Variants in SLIT2 observed in about 807,000 individuals in gnomAD.
SLIT2 encodes the protein slit homolog 2 protein.
SLIT2 carries 41 observed loss-of-function variants against 185.7 expected under a neutral mutation model. That is an observed-to-expected ratio of 0.22 (90% CI 0.17 to 0.29). The LOEUF is 0.29. Among genes scored for constraint, SLIT2 ranks in the 10% least tolerant of loss-of-function variants. SLIT2 has a pLI of 1.00. For synonymous variants in SLIT2, 693 were observed against 680.2 expected (o/e 1.02, Z -0.29); for missense variants, 1,571 against 1,909.0 (o/e 0.82, Z 3.30).
intron 4 of SLIT2, among the ~76,000 whole-genome samples, chr4:20,449,718 T>G (rs578210290): frequency 6.6e-6 from 1 of 152,202 alleles, no homozygotes; most frequent in Non-Finnish European, 1.5e-5. Context: ...AAAAAACATT[T>G]TTTTTATTTT....
chr4:20,542,872 A>C (rs1577894225), intron 21 of SLIT2, among the ~76,000 whole-genome samples: 1 of 142,552 alleles, frequency 7.0e-6, no homozygotes, highest in South Asian at 2.2e-4. Flanking sequence ...GCGCTATAAG[A>C]TTTCTCAGTG....
intron 20 of SLIT2, 137 bp from the exon 21 acceptor site, chr4:20,542,357 T>C: frequency 1.2e-6 from 1 of 851,512 alleles, no homozygotes; most frequent in East Asian, 2.5e-5. Flanking sequence ...AATTAGTAAA[T>C]ACTGAATGTC....
chr4:20,345,146 T>C (rs1345578256), intron 4 of SLIT2, among the ~76,000 whole-genome samples: 2 of 152,208 alleles, frequency 1.3e-5, no homozygotes, highest in East Asian at 3.8e-4. Flanking sequence ...TAAGTTTGCA[T>C]CCTATGAGGC....
At chr4:20,426,904 G>T (rs1376676113) in intron 4 of SLIT2, among the ~76,000 whole-genome samples, 3 of 152,104 alleles carry the variant, frequency 2.0e-5, no homozygotes, top group Non-Finnish European at 4.4e-5. Flanking sequence ...CAGGTAAATT[G>T]CCCAGGGTCT....
At position 20,526,654 on chromosome 4, in the gene SLIT2, C is replaced by G. The variant is rs149865464; in HGVS notation, c.1462+1482C>G. On this transcript the variant is annotated intron_variant, in intron 15 of 36. Transcript: ENST00000504154. ...TTTCATATATTCTGATATAGTTTTT[C>G]CCTGTTACTGACAGCAGCCAAAATA... is the stretch of plus-strand genomic sequence containing the variant. Among the ~76,000 whole-genome samples, 309 of 152,162 alleles carry G rather than the reference C, an allele frequency of 2.0e-3. 3 individuals are homozygous for G. Among genetic ancestry groups the G allele is most frequent in the African/African-American group, 7.1e-3 (295 of 41,540 alleles).
chr4:20,268,901 T>C lies in SLIT2; in HGVS notation c.395+20T>C. The C allele has an allele frequency of 2.7e-6, 4 of 1,464,310 alleles. No individual in the cohort carries two copies. Among genetic ancestry groups the C allele is most frequent in the Non-Finnish European group, 3.8e-6 (4 of 1,043,748 alleles). The allele number at this position is 1,464,310 out of a possible 1,614,324, so 90.7% of individuals were successfully genotyped here. On this transcript the variant is annotated intron_variant, in intron 4 of 36. Transcript: ENST00000504154. ...CAGGCTGTAAGTAGACACAAATAGTTATTGTTGCTTTGGGTAGTACCTTGT... is the reference window on the plus strand; with the variant it reads ...CAGGCTGTAAGTAGACACAAATAGTCATTGTTGCTTTGGGTAGTACCTTGT...
At chr4:20,346,493 A>G (rs932958561) in intron 4 of SLIT2, among the ~76,000 whole-genome samples, 1 of 152,218 alleles carries the variant, frequency 6.6e-6, no homozygotes, top group Non-Finnish European at 1.5e-5. Flanking sequence ...TTAATAAATT[A>G]CGCTGTAACA....
chr4:20,275,867 A>G (rs1472810686), intron 4 of SLIT2, among the ~76,000 whole-genome samples: 2 of 152,158 alleles, frequency 1.3e-5, no homozygotes, highest in South Asian at 4.1e-4. Flanking sequence ...TGTTTTTCTG[A>G]ATGACAAATG....
chr4:20,613,189 A>G (rs1206861431), intron 34 of SLIT2, among the ~76,000 whole-genome samples: 1 of 152,226 alleles, frequency 6.6e-6, no homozygotes, highest in Non-Finnish European at 1.5e-5. Flanking sequence ...TCTATCATAA[A>G]GACACAGGCA....
At chr4:20,521,947 G>A (rs570495371) in intron 12 of SLIT2, among the ~76,000 whole-genome samples, 3 of 152,210 alleles carry the variant, frequency 2.0e-5, no homozygotes, top group Admixed American at 1.3e-4. Flanking sequence ...TTACAAATTT[G>A]TTAAAAGTTC....
chr4:20,575,812 C>T lies in SLIT2; in HGVS notation c.3088+6808C>T, dbSNP rs544274507. On this transcript the variant is annotated intron_variant, in intron 29 of 36. Coordinates refer to ENST00000504154, the MANE Select transcript of SLIT2 (RefSeq NM_004787.4). ...TTTTATCTAGATAGGAAAAAAGCAC[C>T]GAATGAATGCCTGTACAATTAATGA... 5.9e-5 allele frequency among the ~76,000 whole-genome samples: 9 copies of T among 151,890 alleles called. No individual in the cohort carries two copies. In the South Asian group the frequency reaches 1.5e-3, roughly 25 times the overall value.
At chr4:20,330,755 G>A (rs1046805811) in intron 4 of SLIT2, among the ~76,000 whole-genome samples, 2 of 151,892 alleles carry the variant, frequency 1.3e-5, no homozygotes, top group Non-Finnish European at 2.9e-5. Context: ...AACATGGATA[G>A]TATTAATTCA....
intron 4 of SLIT2, among the ~76,000 whole-genome samples, chr4:20,300,040 C>T (rs1716893945): frequency 6.6e-6 from 1 of 151,966 alleles, no homozygotes; most frequent in Non-Finnish European, 1.5e-5. Context: ...ATATATGGAA[C>T]ATTTTAATGC....
intron 9 of SLIT2, among the ~76,000 whole-genome samples, chr4:20,499,140 A>G (rs1346502897): frequency 6.6e-6 from 1 of 152,192 alleles, no homozygotes; most frequent in Non-Finnish European, 1.5e-5. Flanking sequence ...ATGATTAGTA[A>G]TGTTGAGCAT....
chr4:20,414,528 C>T (rs1300061069), intron 4 of SLIT2, among the ~76,000 whole-genome samples: 1 of 152,140 alleles, frequency 6.6e-6, no homozygotes. Flanking sequence ...ATTTCTCTTA[C>T]AGCACATCTA....
chr4:20,421,955 T>G (rs1410695777), intron 4 of SLIT2, among the ~76,000 whole-genome samples: 1 of 152,182 alleles, frequency 6.6e-6, no homozygotes, highest in Non-Finnish European at 1.5e-5. Flanking sequence ...CAGGAATTGT[T>G]TCCACATGGT....
At chr4:20,283,403 GTCATTGCAAAACTAATTTGT>G (rs1714980284) in intron 4 of SLIT2, among the ~76,000 whole-genome samples, 1 of 152,084 alleles carries the variant, frequency 6.6e-6, no homozygotes, top group Admixed American at 6.5e-5. Flanking sequence ...GGACTTTGAA[GTCATTGCAAAACTAATTTGT>G]TCAGTATTTT....
At chr4:20,262,528 G>A (rs184563833) in intron 3 of SLIT2, among the ~76,000 whole-genome samples, 2 of 151,792 alleles carry the variant, frequency 1.3e-5, no homozygotes, top group East Asian at 1.9e-4. Flanking sequence ...ACAGTCTAAC[G>A]GTGCTAATCT....
chr4:20,330,995 A>G (rs1720017311), intron 4 of SLIT2, among the ~76,000 whole-genome samples: 1 of 152,128 alleles, frequency 6.6e-6, no homozygotes, highest in Admixed American at 6.6e-5. Flanking sequence ...AAAATAAACC[A>G]ACAGACAAAT....
Sources: gnomAD v4.1 joint callset for allele counts (sites outside exome capture counted in the v4.1 genomes callset) on GRCh38, gnomAD v4.1.1 for gene constraint, MANE v1.5 for transcripts, NCBI Gene and HGNC (gene_info 2026-07-23, HGNC 2026-07-21) for gene names.